The following MRPL13 variants were observed in gnomAD, a reference collection of about 807,000 sequenced individuals.
MRPL13 encodes the protein large ribosomal subunit protein uL13m.
MRPL13 carries 33 observed loss-of-function variants against 29.0 expected under a neutral mutation model. That is an observed-to-expected ratio of 1.14 (90% CI 0.86 to 1.52). The LOEUF (loss-of-function observed/expected upper bound fraction) is 1.52. Among genes scored for constraint, MRPL13 ranks in the 40% most tolerant of loss-of-function variants. MRPL13 has a pLI of 0.00. For missense variants in MRPL13, 227 were observed against 216.7 expected, an observed-to-expected ratio of 1.05 and a Z score of -0.30; for synonymous variants, 77 against 68.4, an observed-to-expected ratio of 1.13 and a Z score of -0.62.
At chr8:120,423,768 T>C (rs1812900162) in intron 4 of MRPL13, among the ~76,000 whole-genome samples, 1 of 152,062 alleles carries the variant, frequency 6.6e-6, no homozygotes, top group Admixed American at 6.6e-5. Context: ...AGGAAATTGA[T>C]ACCAGAAGGC....
chr8:120,444,226 T>C (rs1813169832), intron 1 of MRPL13, among the ~76,000 whole-genome samples: 1 of 152,178 alleles, frequency 6.6e-6, no homozygotes, highest in Non-Finnish European at 1.5e-5. Flanking sequence ...AAATTTTTAT[T>C]TTACTTCCTG....
intron 6 of MRPL13, among the ~76,000 whole-genome samples, chr8:120,396,992 C>T (rs1359248822): frequency 6.6e-6 from 1 of 152,178 alleles, no homozygotes; most frequent in African/African-American, 2.4e-5. Flanking sequence ...ACTAGGCGGA[C>T]AACTCGACCC....
intron 3 of MRPL13, among the ~76,000 whole-genome samples, chr8:120,431,493 A>C (rs930841548): frequency 6.6e-6 from 1 of 152,224 alleles, no homozygotes; most frequent in African/African-American, 2.4e-5. Flanking sequence ...TTTAGCTGAC[A>C]GTAAACTCAA....
rs116600767 is a variant in MRPL13, at chr8:120,440,209, G to A, written c.151+2976C>T. On this transcript the variant is annotated intron_variant, in intron 2 of 6. Transcript: ENST00000306185. ...GAAAGGGTGAGCAGAGGAATCAGGC[G>A]AGGCCTCTCTCAGAATATAAATGCC... Among the ~76,000 whole-genome samples the A allele has an allele frequency of 1.4e-3, 206 of 152,320 alleles. 1 individual carries two copies. The highest frequency in any genetic ancestry group is 4.4e-3 in the African/African-American group (181 of 41,566).
chr8:120,397,513 C>T (rs73315127), intron 6 of MRPL13, among the ~76,000 whole-genome samples: 2,328 of 152,212 alleles, frequency 0.015, 66 homozygotes, highest in African/African-American at 0.053. Flanking sequence ...GTGGTTAGGT[C>T]GACTCAGCCA....
chr8:120,411,494 C>A (rs946519561), intron 6 of MRPL13, among the ~76,000 whole-genome samples: 1 of 152,088 alleles, frequency 6.6e-6, no homozygotes, highest in Non-Finnish European at 1.5e-5. Context: ...ACACTTTTCA[C>A]GTAATAAAGA....
intron 2 of MRPL13, among the ~76,000 whole-genome samples, chr8:120,434,380 G>A (rs915504561): frequency 2.0e-5 from 3 of 152,042 alleles, no homozygotes; most frequent in African/African-American, 7.2e-5. Flanking sequence ...TAAAGCTAAC[G>A]TACTCCCTCT....
intron 4 of MRPL13, 39 bp from the exon 5 acceptor site, chr8:120,419,977 C>T (rs1388131904): frequency 7.4e-7 from 1 of 1,351,846 alleles, no homozygotes; most frequent in African/African-American, 1.5e-5. Flanking sequence ...AAAATTGTGA[C>T]TTGCGATAGT....
intron 5 of MRPL13, among the ~76,000 whole-genome samples, chr8:120,416,425 C>T (rs987423712): frequency 2.6e-5 from 4 of 152,144 alleles, no homozygotes; most frequent in Non-Finnish European, 4.4e-5. Flanking sequence ...ACCTAGGAGG[C>T]GGAGCTTGCA....
At chr8:120,420,311 C>T (rs1394046813) in intron 4 of MRPL13, among the ~76,000 whole-genome samples, 4 of 151,082 alleles carry the variant, frequency 2.6e-5, no homozygotes, top group Non-Finnish European at 4.4e-5. Flanking sequence ...AGAGGCCTTC[C>T]TCTTTTATTC....
At chr8:120,433,364 T>A (rs1216860919) in intron 2 of MRPL13, among the ~76,000 whole-genome samples, 2 of 152,122 alleles carry the variant, frequency 1.3e-5, no homozygotes, top group Non-Finnish European at 2.9e-5. Context: ...ATTAAGTGAT[T>A]TGCAGAGGCT....
At chr8:120,405,023 C>G (rs1029404644) in intron 6 of MRPL13, among the ~76,000 whole-genome samples, 1 of 152,174 alleles carries the variant, frequency 6.6e-6, no homozygotes, top group Non-Finnish European at 1.5e-5. Context: ...AATGCCACTT[C>G]ATGTGCAAAT....
At chr8:120,432,152 TA>T in intron 2 of MRPL13, 29 bp from the exon 3 acceptor site, 1 of 1,517,842 alleles carries the variant, frequency 6.6e-7, no homozygotes, top group Admixed American at 2.2e-5. Context: ...CAAGATTTTG[TA>T]AGAAAAATAA....
At chr8:120,403,452 A>C (rs1812626713) in intron 6 of MRPL13, among the ~76,000 whole-genome samples, 1 of 152,020 alleles carries the variant, frequency 6.6e-6, no homozygotes. Context: ...ACATGGACAC[A>C]TGGGGTTGGG....
At position 120,406,604 on chromosome 8, in the gene MRPL13, A is replaced by C. The variant is rs577085594; in HGVS notation, c.515+7387T>G. ...GTGTGTGTGTGTGTAATTGTTATCT[A>C]ATACAGCTATGATATATATTTTATA... On this transcript the variant is annotated intron_variant, in intron 6 of 6. Transcript: ENST00000306185. 5.3e-5 allele frequency among the ~76,000 whole-genome samples: 8 copies of C among 150,554 alleles called. 1 individual carries two copies. In the East Asian group the frequency reaches 1.2e-3, roughly 22 times the overall value.
chr8:120,403,695 C>T (rs562845196), intron 6 of MRPL13, among the ~76,000 whole-genome samples: 2 of 152,204 alleles, frequency 1.3e-5, no homozygotes, highest in South Asian at 4.1e-4. Context: ...GTTTGAGTTC[C>T]TTTAAAAAGT....
chr8:120,408,666 C>A (rs992441745), intron 6 of MRPL13, among the ~76,000 whole-genome samples: 1 of 152,258 alleles, frequency 6.6e-6, no homozygotes, highest in Admixed American at 6.5e-5. Flanking sequence ...TTAAAGCTGT[C>A]CAGATCCCAG....
chr8:120,399,685 G>T (rs996059461), intron 6 of MRPL13, among the ~76,000 whole-genome samples: 4 of 152,084 alleles, frequency 2.6e-5, no homozygotes, highest in Non-Finnish European at 4.4e-5. Flanking sequence ...CCAATTAAAA[G>T]ACACAGAATG....
chr8:120,421,757 T>C (rs950601433), intron 4 of MRPL13, among the ~76,000 whole-genome samples: 4 of 151,834 alleles, frequency 2.6e-5, no homozygotes, highest in African/African-American at 7.2e-5. Context: ...TTTGAAACAA[T>C]TTCTACAAAA....
Sources: allele counts gnomAD v4.1 joint callset (sites outside exome capture counted in the v4.1 genomes callset), GRCh38; gene constraint gnomAD v4.1.1; transcripts MANE v1.5; gene names NCBI Gene and HGNC (gene_info 2026-07-23, HGNC 2026-07-21).